The following CNEP1R1 variants were observed in gnomAD, a reference collection of about 807,000 sequenced individuals.
CNEP1R1 encodes the protein nuclear envelope phosphatase-regulatory subunit 1.
CNEP1R1 carries 10 observed loss-of-function variants against 22.7 expected under a neutral mutation model. The observed-to-expected ratio is 0.44, with a 90% CI of 0.27 to 0.75. CNEP1R1 has a LOEUF of 0.75. CNEP1R1 is among the 30% of genes least tolerant of loss of function. The pLI, the probability that CNEP1R1 is intolerant of heterozygous loss-of-function variation, is 0.17. For synonymous variants in CNEP1R1, 53 were observed against 50.1 expected, an observed-to-expected ratio of 1.06 and a Z score of -0.25; for missense variants, 73 against 151.5, an observed-to-expected ratio of 0.48 and a Z score of 2.72.
At chr16:50,029,948 A>G (rs985707311) in intron 3 of CNEP1R1, 150 bp downstream of exon 3, 1 of 518,904 alleles carries the variant, frequency 1.9e-6, no homozygotes, top group East Asian at 3.3e-5. Flanking sequence ...TAATTTGCTC[A>G]AGGAAGATTT....
chr16:50,025,486 G>A, intron 1 of CNEP1R1, 146 bp downstream of exon 1: 3 of 1,103,742 alleles, frequency 2.7e-6, no homozygotes, highest in Middle Eastern at 3.1e-4. Context: ...CGCGTAGGCG[G>A]CCGTACCTGG....
At chr16:50,031,393 ACT>A (rs1197034409) in intron 3 of CNEP1R1, among the ~76,000 whole-genome samples, 11 of 151,806 alleles carry the variant, frequency 7.2e-5, no homozygotes, top group Non-Finnish European at 1.0e-4. Flanking sequence ...CAGACAGGAA[ACT>A]CTCTTGTGTG....
intron 2 of CNEP1R1, chr16:50,026,776 A>C (rs1057056210): frequency 1.5e-5 from 4 of 270,084 alleles, no homozygotes; most frequent in African/African-American, 8.7e-5. Flanking sequence ...GAAGTTCAAG[A>C]CTAGCGTGGC....
chr16:50,027,724 A>G (rs1388571928), intron 2 of CNEP1R1, among the ~76,000 whole-genome samples: 2 of 152,016 alleles, frequency 1.3e-5, no homozygotes, highest in African/African-American at 4.8e-5. Context: ...GTATACTTGG[A>G]AAAGTTACAA....
rs1597119122 is a variant in CNEP1R1, at chr16:50,033,383, C to G, written c.172-14C>G. 7.2e-7 allele frequency: 1 copy of G among 1,384,250 alleles called. No individual in the cohort carries two copies. Among genetic ancestry groups the G allele is most frequent in the East Asian group, 2.3e-5 (1 of 43,216 alleles). 85.7% of individuals were successfully genotyped at this position (1,384,250 alleles called of 1,614,324 possible). A position where few individuals can be genotyped will look rare whatever the true frequency, so the allele number is the denominator to read the frequency against. On this transcript the variant is annotated splice_polypyrimidine_tract_variant and intron_variant, in intron 3 of 5. Transcript: ENST00000427478. Reference sequence around the variant, plus strand: ...ATTTTTAACATTTTTATATTTTCATCTCTTCTTTTACAGGTGTCCTTCTTC... The same window carrying G: ...ATTTTTAACATTTTTATATTTTCATGTCTTCTTTTACAGGTGTCCTTCTTC...
At position 50,035,502 on chromosome 16, in the gene CNEP1R1, G is replaced by A. The variant is rs766062916; in HGVS notation, c.*44G>A. 1.7e-5 allele frequency: 24 copies of A among 1,400,654 alleles called. No individual in the cohort carries two copies. Among genetic ancestry groups the A allele is most frequent in the South Asian group, 6.2e-5 (5 of 80,774 alleles). The allele number at this position is 1,400,654 out of a possible 1,614,324, so 86.8% of individuals were successfully genotyped here. ...ATGGGACTTAAAATAGCCTTTCTTC[G>A]AATAAGTGATACAGCAAAAAGCCAT... On this transcript the variant is annotated 3_prime_UTR_variant, in exon 6 of 6. Transcript: ENST00000427478.
At chr16:50,033,557 T>A in intron 4 of CNEP1R1, 51 bp downstream of exon 4, 1 of 1,004,140 alleles carries the variant, frequency 1.0e-6, no homozygotes, top group Non-Finnish European at 1.5e-6. Flanking sequence ...TTTGTTGATC[T>A]AGGTAATGGT....
rs967495096 is a variant in CNEP1R1 at position 50,035,727 on chromosome 16, G to A, written c.*269G>A. On this transcript the variant is annotated 3_prime_UTR_variant, in exon 6 of 6. Transcript: ENST00000427478. ...TTTTGCAGATGAAGTATGTATGTAT[G>A]TTACTAAGTTAAACTTAGAAACAGA... is the stretch of plus-strand genomic sequence containing the variant. 2.0e-5 allele frequency: 7 copies of A among 347,174 alleles called. No individual in the cohort carries two copies. The highest frequency in any genetic ancestry group is 1.1e-4 in the African/African-American group (5 of 47,202). The allele number at this position is 347,174 out of a possible 1,614,324, so 21.5% of individuals were successfully genotyped here.
chr16:50,025,476 C>A, intron 1 of CNEP1R1, 136 bp downstream of exon 1: 2 of 1,155,012 alleles, frequency 1.7e-6, no homozygotes, highest in Non-Finnish European at 2.4e-6. Flanking sequence ...AGCTTGGGGG[C>A]GCGTAGGCGG....
chr16:50,028,923 A>G (rs191060966), intron 2 of CNEP1R1, among the ~76,000 whole-genome samples: 2 of 152,250 alleles, frequency 1.3e-5, no homozygotes, highest in East Asian at 3.9e-4. Context: ...AATTCTAGAT[A>G]ATTAAGGTTT....
intron 3 of CNEP1R1, among the ~76,000 whole-genome samples, chr16:50,032,192 C>T (rs948430915): frequency 6.6e-6 from 1 of 152,296 alleles, no homozygotes; most frequent in African/African-American, 2.4e-5. Flanking sequence ...ATGTGCTTAA[C>T]TTGATTCTCT....
chr16:50,025,469 T>C (rs987091276), intron 1 of CNEP1R1, 129 bp downstream of exon 1: 2 of 1,192,114 alleles, frequency 1.7e-6, no homozygotes, highest in Non-Finnish European at 2.3e-6. Context: ...GGCCCGGAGC[T>C]TGGGGGCGCG....
At chr16:50,025,444 G>T in intron 1 of CNEP1R1, 104 bp downstream of exon 1, 1 of 1,271,396 alleles carries the variant, frequency 7.9e-7, no homozygotes, top group South Asian at 1.6e-5. Flanking sequence ...GGAGGCCGCA[G>T]AGGATGGAGC....
chr16:50,035,314 A>G (rs1169744046), intron 5 of CNEP1R1, 103 bp from the exon 6 acceptor site: 1 of 667,198 alleles, frequency 1.5e-6, no homozygotes, highest in Non-Finnish European at 2.7e-6. Flanking sequence ...ACTATAGAGA[A>G]GCGTTCTTAT....
chr16:50,032,210 A>G (rs1323646619), intron 3 of CNEP1R1, among the ~76,000 whole-genome samples: 1 of 152,132 alleles, frequency 6.6e-6, no homozygotes, highest in Admixed American at 6.5e-5. Context: ...TCTTGCTCCC[A>G]TCTAGTTACT....
chr16:50,032,784 C>T (rs1330964687), intron 3 of CNEP1R1, among the ~76,000 whole-genome samples: 1 of 152,046 alleles, frequency 6.6e-6, no homozygotes, highest in Non-Finnish European at 1.5e-5. Context: ...GCGGGCAGAT[C>T]ACCTGAGGTC....
chr16:50,033,335 A>G (rs1317132022), intron 3 of CNEP1R1, 62 bp from the exon 4 acceptor site: 2 of 693,980 alleles, frequency 2.9e-6, no homozygotes, highest in Non-Finnish European at 2.5e-6. Flanking sequence ...ACAAGTGGGG[A>G]GGTAGGAATC....
At chr16:50,026,219 C>CTT (rs2036181602) in intron 1 of CNEP1R1, 177 bp from the exon 2 acceptor site, 1 of 487,336 alleles carries the variant, frequency 2.1e-6, no homozygotes, top group African/African-American at 1.9e-5. Flanking sequence ...TTGTCAAGTG[C>CTT]TTAAAAAGCT....
In CNEP1R1 at chr16:50,026,373, A is replaced by G. The variant is rs552364603; in HGVS notation, c.26-23A>G. On this transcript the variant is annotated intron_variant, in intron 1 of 5. Transcript: ENST00000427478. Reference sequence around the variant, plus strand: ...CAGACGAGTAAGAGTGGCTAATTAGAAAATTGACATCTTTATACCTAGATC... The same window carrying G: ...CAGACGAGTAAGAGTGGCTAATTAGGAAATTGACATCTTTATACCTAGATC... 11 of 1,571,318 alleles carry G rather than the reference A, an allele frequency of 7.0e-6. No homozygotes were observed. In the East Asian group the frequency reaches 2.3e-4, roughly 32 times the overall value.
Sources: gnomAD v4.1 joint callset for allele counts (sites outside exome capture counted in the v4.1 genomes callset) on GRCh38, gnomAD v4.1.1 for gene constraint, MANE v1.5 for transcripts, NCBI Gene and HGNC (gene_info 2026-07-23, HGNC 2026-07-21) for gene names.